The following ELP1 variants were observed in gnomAD, a reference collection of about 807,000 sequenced individuals.
ELP1 encodes elongator acetyltransferase complex subunit 1.
In ELP1, 131 loss-of-function variants were observed where a neutral mutation model predicts 183.2. That is an observed-to-expected ratio of 0.72 (90% CI 0.62 to 0.83). The LOEUF (loss-of-function observed/expected upper bound fraction) is 0.83, where lower values mean the gene tolerates loss of function less well. Among genes scored for constraint, ELP1 ranks in the 40% least tolerant of loss-of-function variants. The pLI is 0.00. For synonymous variants in ELP1, 555 were observed against 569.0 expected, an observed-to-expected ratio of 0.98 and a Z score of 0.35; for missense variants, 1,550 against 1,594.9, an observed-to-expected ratio of 0.97 and a Z score of 0.48.
rs199813856 is a variant in ELP1 at position 108,877,996 on chromosome 9, G to A, written c.3854C>T (p.Pro1285Leu). 82 of 1,614,008 alleles carry A rather than the reference G, an allele frequency of 5.1e-5. No homozygotes were observed. In the East Asian group the frequency reaches 9.1e-4, roughly 18 times the overall value. ...CACACCGTCTCTGAGAAAACTTACC[G>A]GGGTAGCTGAATTCTGCTGGTAAGT... ...TLTYQQNSAT[P>L]VLGPNSTANS... Residue 1285 changes from proline (P) to leucine (L), a missense_variant and splice_region_variant, in exon 35 of 37, where the codon CCG becomes CTG. Pro to Leu is a moderately conservative substitution (Grantham distance 98). Coordinates refer to ENST00000374647, the MANE Select transcript of ELP1 (RefSeq NM_003640.5).
chr9:108,870,290 A>G (rs1401146941), intron 36 of ELP1, among the ~76,000 whole-genome samples: 1 of 152,062 alleles, frequency 6.6e-6, no homozygotes, highest in Admixed American at 6.6e-5. Flanking sequence ...AATCTCCAAA[A>G]CTCAAGTACC....
chr9:108,916,444 A>G, intron 9 of ELP1, 147 bp from the exon 10 acceptor site: 1 of 702,498 alleles, frequency 1.4e-6, no homozygotes. Context: ...CAGAGGCATT[A>G]AACAAATCTG....
chr9:108,919,344 C>A lies in ELP1; in HGVS notation c.558G>T (p.Glu186Asp). The change falls in exon 7 of 37, where the codon GAG becomes GAT. Residue 186 changes from glutamate (E) to aspartate (D), a missense_variant. Physicochemically the swap from Glu to Asp is conservative, Grantham distance 45. Coordinates refer to ENST00000374647, the MANE Select transcript of ELP1 (RefSeq NM_003640.5). ...TATGGTCATCCCAGGGCAAAGCAGA[C>A]TCATGCTAAAAAGGGGAACAAACAC... ...RQAAFQMQMH[E>D]SALPWDDHRP... The A allele has an allele frequency of 6.2e-7, 1 of 1,612,114 alleles. No homozygotes were observed. Among genetic ancestry groups the A allele is most frequent in the Non-Finnish European group, 8.5e-7 (1 of 1,178,370 alleles).
rs540104302 is a variant in ELP1, at chr9:108,894,985, G to A, written c.2737-919C>T. ...AAAACCCAAGACAACAAATAATTAA[G>A]TGCTCATTCCCAGCACTCTGGGAGG... On this transcript the variant is annotated intron_variant, in intron 25 of 36. Coordinates refer to ENST00000374647, the MANE Select transcript of ELP1 (RefSeq NM_003640.5). Among the ~76,000 whole-genome samples the A allele has an allele frequency of 7.9e-5, 12 of 152,220 alleles. No homozygotes were observed. The East Asian group carries it at 1.9e-3, about 25-fold the overall frequency.
chr9:108,879,059 T>C (rs189306275), intron 33 of ELP1, among the ~76,000 whole-genome samples: 1 of 152,376 alleles, frequency 6.6e-6, no homozygotes, highest in East Asian at 1.9e-4. Flanking sequence ...AAAAGTGTTA[T>C]GACTTATTTT....
chr9:108,924,388 A>ATT (rs112255423), intron 5 of ELP1, among the ~76,000 whole-genome samples: 1 of 146,512 alleles, frequency 6.8e-6, no homozygotes, highest in Non-Finnish European at 1.5e-5. Flanking sequence ...CCATAGAATG[A>ATT]TTTTTTTTTT....
At chr9:108,922,682 T>C (rs1829687920) in intron 6 of ELP1, among the ~76,000 whole-genome samples, 160 bp downstream of exon 6, 1 of 152,200 alleles carries the variant, frequency 6.6e-6, no homozygotes, top group African/African-American at 2.4e-5. Flanking sequence ...AAAAAGGATC[T>C]TTCTAGAGGG....
chr9:108,873,854 GT>G (rs532764894), intron 36 of ELP1, among the ~76,000 whole-genome samples: 4 of 149,984 alleles, frequency 2.7e-5, no homozygotes, highest in African/African-American at 2.5e-5. Flanking sequence ...GACCCCATCT[GT>G]TTTTTTTTCT....
intron 36 of ELP1, among the ~76,000 whole-genome samples, chr9:108,869,975 C>CT (rs556132203): frequency 9.4e-4 from 141 of 149,722 alleles, no homozygotes; most frequent in South Asian, 2.6e-3. Context: ...CTGCATATAC[C>CT]TTTTTTTTTT....
chr9:108,882,196 G>T lies in ELP1; in HGVS notation c.3223-9C>A. 2 of 1,611,720 alleles carry T rather than the reference G, an allele frequency of 1.2e-6. No homozygotes were observed. The highest frequency in any genetic ancestry group is 8.5e-7 in the Non-Finnish European group (1 of 1,179,312). On this transcript the variant is annotated splice_polypyrimidine_tract_variant and intron_variant, in intron 29 of 36. Coordinates refer to ENST00000374647, the MANE Select transcript of ELP1 (RefSeq NM_003640.5). The stretch of plus-strand genomic sequence containing the variant: ...ACAGCTTCTTCATAATCCTGACAAG[G>T]GAACAGGAAGAAGACAACAAGTGAA...
At chr9:108,914,520 G>A (rs184795311) in intron 10 of ELP1, among the ~76,000 whole-genome samples, 91 of 152,076 alleles carry the variant, frequency 6.0e-4, no homozygotes, top group African/African-American at 2.1e-3. Context: ...TTACAATAAT[G>A]AGAAATGACA....
intron 29 of ELP1, among the ~76,000 whole-genome samples, chr9:108,884,000 TAAAAAA>T (rs1031586780): frequency 7.0e-6 from 1 of 143,448 alleles, no homozygotes; most frequent in Non-Finnish European, 1.5e-5. Flanking sequence ...AAATTAGATT[TAAAAAA>T]AAAAAAGAAC....
chr9:108,896,852 G>GTTAAATC (rs1313999764), intron 24 of ELP1, 101 bp downstream of exon 24: 1 of 1,203,002 alleles, frequency 8.3e-7, no homozygotes, highest in African/African-American at 1.5e-5. Flanking sequence ...AAAGTCACAT[G>GTTAAATC]TTAAATCTGT....
At chr9:108,912,561 G>A (rs1003936431) in intron 10 of ELP1, 67 bp from the exon 11 acceptor site, 4 of 1,087,696 alleles carry the variant, frequency 3.7e-6, no homozygotes, top group Non-Finnish European at 4.3e-6. Context: ...CTTGCCAGAG[G>A]GGTTCAAGGG....
chr9:108,899,088 G>C (rs1383814073), intron 20 of ELP1, among the ~76,000 whole-genome samples: 1 of 151,948 alleles, frequency 6.6e-6, no homozygotes, highest in East Asian at 1.9e-4. Context: ...CTTGAGGTCA[G>C]GAGTTTGAGA....
chr9:108,903,011 A>G lies in ELP1; in HGVS notation c.1751-69T>C, dbSNP rs1587898700. On this transcript the variant is annotated intron_variant, in intron 15 of 36. Transcript: ENST00000374647. ...TTTGCAAAAAACCATCAACATCAAC[A>G]TTTGCTAAAACACTTAACATGCAAT... 8 of 1,106,776 alleles carry G rather than the reference A, an allele frequency of 7.2e-6. No individual in the cohort carries two copies. The East Asian group carries it at 1.9e-4, about 26-fold the overall frequency. The allele number at this position is 1,106,776 out of a possible 1,614,324, so 68.6% of individuals were successfully genotyped here. A position where few individuals can be genotyped will look rare whatever the true frequency, so the allele number is the denominator to read the frequency against.
chr9:108,878,865 G>T, intron 33 of ELP1, 115 bp from the exon 34 acceptor site: 1 of 1,083,302 alleles, frequency 9.2e-7, no homozygotes. Context: ...CAACTTCACA[G>T]ATCTCCATTT....
intron 14 of ELP1, 94 bp from the exon 15 acceptor site, chr9:108,903,763 A>T (rs1305402347): frequency 1.2e-6 from 1 of 838,226 alleles, no homozygotes; most frequent in Non-Finnish European, 2.1e-6. Flanking sequence ...TTTCCTTTTG[A>T]TGCTGCACTA....
At position 108,906,324 on chromosome 9, in the gene ELP1, T is replaced by C. The variant is rs1450571045; in HGVS notation, c.1622A>G (p.Glu541Gly). 1.2e-6 allele frequency: 2 copies of C among 1,613,990 alleles called. No homozygotes were observed. The highest frequency in any genetic ancestry group is 2.2e-5 in the East Asian group (1 of 44,880). ...LTAASSEMDE[E>G]HGQLNVSSSA... ...ATACCTGACATTGAGCTGTCCATGC[T>C]CTTCATCCATCTCAGAAGAAGCTGC... The change falls in exon 14 of 37, where the codon GAG becomes GGG. Residue 541 changes from glutamate to glycine, a missense_variant. Transcript: ENST00000374647.
Sources: gnomAD v4.1 joint callset for allele counts (sites outside exome capture counted in the v4.1 genomes callset) on GRCh38, gnomAD v4.1.1 for gene constraint, MANE v1.5 for transcripts, NCBI Gene and HGNC (gene_info 2026-07-23, HGNC 2026-07-21) for gene names.